Variants in CAP2 observed in about 807,000 individuals in gnomAD.
CAP2 encodes the protein cyclase associated actin cytoskeleton regulatory protein 2, also known as adenylyl cyclase-associated protein 2.
A neutral mutation model predicts 57.7 loss-of-function variants in CAP2; 24 were observed. The ratio of observed to expected loss-of-function variants is 0.42; its 90% CI spans 0.30 to 0.58. The LOEUF is 0.58. Ranked by LOEUF, CAP2 falls within the 20% of genes least tolerant of loss-of-function variation. The pLI, the probability that CAP2 is intolerant of heterozygous loss-of-function variation, is 0.22. For synonymous variants in CAP2, 194 were observed against 207.2 expected (o/e 0.94, Z 0.55); for missense variants, 501 against 590.3 (o/e 0.85, Z 1.57).
At chr6:17,498,321 G>C (rs1019391675) in intron 4 of CAP2, among the ~76,000 whole-genome samples, 1 of 152,228 alleles carries the variant, frequency 6.6e-6, no homozygotes, top group African/African-American at 2.4e-5. Flanking sequence ...ATTCTGACAA[G>C]TTAAAATATG....
intron 4 of CAP2, among the ~76,000 whole-genome samples, chr6:17,465,057 G>A (rs1039693549): frequency 6.6e-6 from 1 of 152,224 alleles, no homozygotes; most frequent in Non-Finnish European, 1.5e-5. Flanking sequence ...ATGAACAATG[G>A]ATGAATGCAT....
At chr6:17,507,059 C>A in intron 4 of CAP2, 110 bp from the exon 5 acceptor site, 1 of 1,002,744 alleles carries the variant, frequency 1.0e-6, no homozygotes, top group Non-Finnish European at 1.6e-6. Flanking sequence ...TCTTTTAGAC[C>A]CCTTAACAGA....
chr6:17,438,433 GTTTT>G (rs773266583), intron 3 of CAP2, among the ~76,000 whole-genome samples: 7 of 58,374 alleles, frequency 1.2e-4, no homozygotes, highest in African/African-American at 7.0e-4. Flanking sequence ...ATCCAGAAGT[GTTTT>G]TTTTTTTTTT....
At chr6:17,545,775 G>C (rs1049227800) in intron 11 of CAP2, among the ~76,000 whole-genome samples, 2 of 151,966 alleles carry the variant, frequency 1.3e-5, no homozygotes, top group Non-Finnish European at 2.9e-5. Context: ...CAATACCTAT[G>C]AGTGAGAACA....
At chr6:17,517,020 A>G (rs1762286996) in intron 7 of CAP2, among the ~76,000 whole-genome samples, 1 of 152,198 alleles carries the variant, frequency 6.6e-6, no homozygotes, top group South Asian at 2.1e-4. Flanking sequence ...AAGTAAGGGT[A>G]TGTGTGGATA....
rs371385369 is a variant in CAP2, at chr6:17,440,778, G to A, written c.222+14088G>A. 2.5e-4 allele frequency among the ~76,000 whole-genome samples: 38 copies of A among 151,302 alleles called. 1 individual carries two copies. The highest frequency in any genetic ancestry group is 8.3e-4 in the African/African-American group (34 of 40,788). The stretch of plus-strand genomic sequence containing the variant: ...GTTGGTTTGCTGCACCCATTAACTC[G>A]TCATTTATATTACGTATTTCTCCTA... On this transcript the variant is annotated intron_variant, in intron 3 of 12. Transcript: ENST00000229922.
intron 3 of CAP2, among the ~76,000 whole-genome samples, chr6:17,452,374 C>T (rs183307885): frequency 1.7e-4 from 26 of 152,286 alleles, no homozygotes; most frequent in African/African-American, 5.1e-4. Flanking sequence ...GTTTCTTTGT[C>T]GATGGCACTT....
chr6:17,424,346 G>T (rs1015284983), intron 2 of CAP2, among the ~76,000 whole-genome samples: 1 of 152,166 alleles, frequency 6.6e-6, no homozygotes, highest in Non-Finnish European at 1.5e-5. Context: ...CTTGCAGTGA[G>T]CCGAGATCGC....
chr6:17,516,955 C>G (rs1037350920), intron 7 of CAP2, among the ~76,000 whole-genome samples: 1 of 151,992 alleles, frequency 6.6e-6, no homozygotes, highest in Non-Finnish European at 1.5e-5. Context: ...TTTTTCCTAA[C>G]CACAACATTG....
intron 3 of CAP2, among the ~76,000 whole-genome samples, chr6:17,461,992 CAAAAAAAAAAAAAAAAA>C (rs567675285): frequency 0.098 from 2,736 of 27,998 alleles, 131 homozygotes; most frequent in African/African-American, 0.15. Context: ...GACTCCGTCT[CAAAAAAAAAAAAAAAAA>C]AAAAAAAAAA....
At chr6:17,520,042 A>T (rs1227024518) in intron 7 of CAP2, among the ~76,000 whole-genome samples, 1 of 152,210 alleles carries the variant, frequency 6.6e-6, no homozygotes, top group African/African-American at 2.4e-5. Flanking sequence ...CTGCACATGG[A>T]TGAATGTATA....
At position 17,435,726 on chromosome 6, in the gene CAP2, AAAAAAAC is replaced by A. The variant is rs1436361006; in HGVS notation, c.222+9043_222+9049del. The stretch of plus-strand genomic sequence containing the variant: ...AAAAGAAGTTTACGGATAAAAAAAA[AAAAAAAC>A]AAAAAAAAAACAATATATTCTAGAG... On this transcript the variant is annotated intron_variant, in intron 3 of 12. Transcript: ENST00000229922. Among the ~76,000 whole-genome samples the A allele has an allele frequency of 2.8e-3, 416 of 148,564 alleles. 2 individuals carry two copies. The highest frequency in any genetic ancestry group is 9.8e-3 in the African/African-American group (388 of 39,392).
intron 4 of CAP2, among the ~76,000 whole-genome samples, chr6:17,463,970 T>C (rs933112458): frequency 1.3e-5 from 2 of 152,196 alleles, no homozygotes; most frequent in African/African-American, 2.4e-5. Flanking sequence ...AGGAATCAAA[T>C]TGTGAGAACA....
intron 4 of CAP2, among the ~76,000 whole-genome samples, chr6:17,470,659 C>T (rs1760994031): frequency 6.6e-6 from 1 of 152,222 alleles, no homozygotes; most frequent in African/African-American, 2.4e-5. Flanking sequence ...ACCTCACCTT[C>T]ATTCAGTCTT....
chr6:17,503,967 C>T (rs1761906985), intron 4 of CAP2, among the ~76,000 whole-genome samples: 1 of 152,210 alleles, frequency 6.6e-6, no homozygotes, highest in Non-Finnish European at 1.5e-5. Context: ...TTTTCCCCTC[C>T]TTCAGTAATG....
chr6:17,434,514 C>T (rs1376450703), intron 3 of CAP2, among the ~76,000 whole-genome samples: 1 of 152,182 alleles, frequency 6.6e-6, no homozygotes, highest in Non-Finnish European at 1.5e-5. Context: ...CAGGCGTGAG[C>T]CACTGCACCT....
At chr6:17,394,667 C>G (rs183329850) in intron 1 of CAP2, among the ~76,000 whole-genome samples, 1 of 152,182 alleles carries the variant, frequency 6.6e-6, no homozygotes, top group Non-Finnish European at 1.5e-5. Context: ...TTACTGAGTA[C>G]TCCTATTTCC....
chr6:17,528,007 T>A (rs1440120017), intron 7 of CAP2, among the ~76,000 whole-genome samples: 1 of 152,252 alleles, frequency 6.6e-6, no homozygotes, highest in South Asian at 2.1e-4. Context: ...CCTATGTTTT[T>A]AGAAGGGCCA....
At chr6:17,507,396 C>A in intron 5 of CAP2, 84 bp downstream of exon 5, 1 of 1,368,964 alleles carries the variant, frequency 7.3e-7, no homozygotes, top group Non-Finnish European at 1.0e-6. Flanking sequence ...TACCTTCACG[C>A]TCCTTGCACT....
Sources: gnomAD v4.1 joint callset for allele counts (sites outside exome capture counted in the v4.1 genomes callset) on GRCh38, gnomAD v4.1.1 for gene constraint, MANE v1.5 for transcripts, NCBI Gene and HGNC (gene_info 2026-07-23, HGNC 2026-07-21) for gene names.